SRC: variants seen among roughly 807,000 people sequenced by gnomAD.
The protein encoded by SRC is proto-oncogene tyrosine-protein kinase Src.
In SRC, 13 loss-of-function variants were observed where a neutral mutation model predicts 62.9. The observed-to-expected ratio is 0.21, with a 90% CI of 0.13 to 0.33. SRC has a LOEUF of 0.33. Ranked by LOEUF, SRC falls within the 10% of genes least tolerant of loss-of-function variation. The pLI is 1.00. For missense variants in SRC, 457 were observed against 737.3 expected (o/e 0.62, Z 4.40); for synonymous variants, 302 against 317.5 (o/e 0.95, Z 0.52).
rs561504994 is a variant in SRC at position 37,395,078 on chromosome 20, G to A, written c.553+801G>A. Among the ~76,000 whole-genome samples the A allele has an allele frequency of 3.1e-3, 465 of 152,330 alleles. 5 individuals are homozygous for A. Among genetic ancestry groups the A allele is most frequent in the African/African-American group, 0.011 (447 of 41,560 alleles). ...GTGCGTGTATGGACATGTGGCTGGG[G>A]TTGGCTTCAGCCTCAGGCCTGTGGC... On this transcript the variant is annotated intron_variant, in intron 7 of 13. Coordinates refer to ENST00000373578, the MANE Select transcript of SRC (RefSeq NM_198291.3).
intron 1 of SRC, among the ~76,000 whole-genome samples, chr20:37,362,669 A>G (rs958462951): frequency 2.7e-5 from 4 of 149,992 alleles, no homozygotes; most frequent in Non-Finnish European, 5.9e-5. Flanking sequence ...TGGCCTTGTG[A>G]GCTGCCCTAC....
chr20:37,382,029 C>T (rs1285560275), intron 2 of SRC, among the ~76,000 whole-genome samples: 3 of 152,144 alleles, frequency 2.0e-5, no homozygotes, highest in Non-Finnish European at 4.4e-5. Context: ...AGGCAGGGGG[C>T]GTCTCATAGC....
intron 5 of SRC, among the ~76,000 whole-genome samples, chr20:37,388,471 C>T (rs1027051705): frequency 1.1e-4 from 17 of 152,314 alleles, no homozygotes; most frequent in Admixed American, 2.6e-4. Flanking sequence ...GGTGGCTGAG[C>T]GCGGTGGCTC....
rs1361074271 is a variant in SRC, at chr20:37,373,428, T to TATATATAC, written c.-173+8151_-173+8152insATATATAC. 6.7e-4 allele frequency among the ~76,000 whole-genome samples: 101 copies of TATATATAC among 151,062 alleles called. 1 individual carries two copies. Among genetic ancestry groups the TATATATAC allele is most frequent in the African/African-American group, 2.5e-3 (100 of 40,570 alleles). The stretch of plus-strand genomic sequence containing the variant: ...ATACGCATATATACGCATATATGCG[T>TATATATAC]GTATATACGCATATATACGCATATA... On this transcript the variant is annotated intron_variant, in intron 2 of 13. Transcript: ENST00000373578.
intron 2 of SRC, among the ~76,000 whole-genome samples, chr20:37,371,587 A>C (rs1266840698): frequency 6.6e-6 from 1 of 151,558 alleles, no homozygotes; most frequent in Non-Finnish European, 1.5e-5. Flanking sequence ...TTTCTGCTCT[A>C]ATTTTTATTC....
intron 1 of SRC, among the ~76,000 whole-genome samples, chr20:37,354,151 T>A (rs1329000285): frequency 6.6e-6 from 1 of 152,148 alleles, no homozygotes; most frequent in East Asian, 1.9e-4. Flanking sequence ...GGTCACAATG[T>A]GATGTCACAG....
Position 37,396,069 on chromosome 20 carries a change from C to A in SRC, c.554-93C>A. The A allele has an allele frequency of 6.5e-7, 1 of 1,526,944 alleles. No homozygotes were observed. The highest frequency in any genetic ancestry group is 1.2e-5 in the South Asian group (1 of 80,750). 94.6% of individuals were successfully genotyped at this position (1,526,944 alleles called of 1,614,324 possible). On this transcript the variant is annotated intron_variant, in intron 7 of 13. Transcript: ENST00000373578. The surrounding 1 kb of genome is among the most constrained non-coding windows in gnomAD (Gnocchi z 6.1). ...GGGGCCCCGCCTGGGCCTCCCTTCCCTCCAATGTCAGGCAGGCACAGAACG... is the reference window on the plus strand; with the variant it reads ...GGGGCCCCGCCTGGGCCTCCCTTCCATCCAATGTCAGGCAGGCACAGAACG...
chr20:37,390,421 C>T (rs1356686513), intron 5 of SRC, among the ~76,000 whole-genome samples: 2 of 119,044 alleles, frequency 1.7e-5, no homozygotes, highest in African/African-American at 3.3e-5. Flanking sequence ...TTTTTGAGAC[C>T]GGATCTTGCT....
Position 37,396,137 on chromosome 20 carries a change from C to T in SRC, c.554-25C>T, listed in dbSNP as rs747622121. 1 of 1,606,422 alleles carries T rather than the reference C, an allele frequency of 6.2e-7. No homozygotes were observed. The highest frequency in any genetic ancestry group is 8.5e-7 in the Non-Finnish European group (1 of 1,178,078). ...CTGCGGGGGGAGAGGGCATGGCGGT[C>T]ACGGCTCCCCTCGGTGCCCCGCAGG... On this transcript the variant is annotated intron_variant, in intron 7 of 13. Transcript: ENST00000373578. This position sits in a 1 kb window ranked among gnomAD's most constrained non-coding sequence, Gnocchi z 6.1.
chr20:37,376,755 A>G (rs6094508), intron 2 of SRC, among the ~76,000 whole-genome samples: 113,232 of 152,162 alleles, frequency 0.74, 43,373 homozygotes, highest in African/African-American at 0.93. Context: ...CACCTGCCTC[A>G]GCCTCCCAAA....
In SRC at chr20:37,351,106, T is replaced by A. The variant is rs1352976728; in HGVS notation, c.-247+4851T>A. Among the ~76,000 whole-genome samples, 1 of 152,148 alleles carries A rather than the reference T, an allele frequency of 6.6e-6. No homozygotes were observed. Among genetic ancestry groups the A allele is most frequent in the African/African-American group, 2.4e-5 (1 of 41,422 alleles). On this transcript the variant is annotated intron_variant, in intron 1 of 13. Transcript: ENST00000373578. This position sits in a 1 kb window ranked among gnomAD's most constrained non-coding sequence, Gnocchi z 4.4. ...GTCAGGGATAGATGACCGGGGAGGA[T>A]CTCAGAGCTGGGAGCCAGACCTCCA... is the stretch of plus-strand genomic sequence containing the variant.
At chr20:37,361,622 C>A (rs1159053406) in intron 1 of SRC, among the ~76,000 whole-genome samples, 1 of 152,244 alleles carries the variant, frequency 6.6e-6, no homozygotes, top group East Asian at 1.9e-4. Context: ...CGGCTGGCGG[C>A]CATCTCCACA....
At position 37,396,185 on chromosome 20, in the gene SRC, G is replaced by T; in HGVS notation, c.577G>T (p.Asp193Tyr). 6.2e-7 allele frequency: 1 copy of T among 1,613,584 alleles called. No individual in the cohort carries two copies. Among genetic ancestry groups the T allele is most frequent in the Non-Finnish European group, 8.5e-7 (1 of 1,179,992 alleles). The change falls in exon 8 of 14, where the codon GAC becomes TAC. Residue 193 changes from aspartate (D) to tyrosine (Y), a missense_variant. Asp to Tyr is a radical substitution (Grantham distance 160). Coordinates refer to ENST00000373578, the MANE Select transcript of SRC (RefSeq NM_198291.3). The surrounding 1 kb of genome is among the most constrained non-coding windows in gnomAD (Gnocchi z 6.1). ...TKGAYCLSVS[D>Y]FDNAKGLNVK... ...AGGTGCCTACTGCCTCTCAGTGTCT[G>T]ACTTCGACAACGCCAAGGGCCTCAA... is the stretch of plus-strand genomic sequence containing the variant.
At position 37,377,489 on chromosome 20, in the gene SRC, G is replaced by T. The variant is rs547015776; in HGVS notation, c.-172-5130G>T. ...TCAGGAAGGAAGGGGCTGGTGTGTGGTGGCTGAACAGCAGTGTGACCTGAG... is the reference window on the plus strand; with the variant it reads ...TCAGGAAGGAAGGGGCTGGTGTGTGTTGGCTGAACAGCAGTGTGACCTGAG... On this transcript the variant is annotated intron_variant, in intron 2 of 13. Transcript: ENST00000373578. Among the ~76,000 whole-genome samples the T allele has an allele frequency of 3.3e-5, 5 of 152,344 alleles. No homozygotes were observed. The South Asian group carries it at 1.0e-3, about 32-fold the overall frequency.
chr20:37,359,470 C>A (rs981823992), intron 1 of SRC, among the ~76,000 whole-genome samples: 2 of 152,010 alleles, frequency 1.3e-5, no homozygotes, highest in Non-Finnish European at 2.9e-5. Context: ...GAGGATGGGT[C>A]GCAATTAGAT....
chr20:37,396,149 C>A lies in SRC; in HGVS notation c.554-13C>A. On this transcript the variant is annotated splice_polypyrimidine_tract_variant and intron_variant, in intron 7 of 13. Transcript: ENST00000373578. The surrounding 1 kb of genome is among the most constrained non-coding windows in gnomAD (Gnocchi z 6.1). The stretch of plus-strand genomic sequence containing the variant: ...AGGGCATGGCGGTCACGGCTCCCCT[C>A]GGTGCCCCGCAGGTGCCTACTGCCT... The A allele has an allele frequency of 6.2e-7, 1 of 1,609,812 alleles. No individual in the cohort carries two copies.
rs1418660563 is a variant in SRC at position 37,405,283 on chromosome 20, T to C, written c.*1904T>C. 5 of 131,026 alleles carry C rather than the reference T, an allele frequency of 3.8e-5. No individual in the cohort carries two copies. The highest frequency in any genetic ancestry group is 1.2e-4 in the African/African-American group (4 of 33,356). The allele number at this position is 131,026 out of a possible 1,614,324, so 8.1% of individuals were successfully genotyped here. The stretch of plus-strand genomic sequence containing the variant: ...GATTTCAGATGACTATGCAGAGGCC[T>C]GGGGGACCCCTGGCTCTGGGCCGGG... On this transcript the variant is annotated 3_prime_UTR_variant, in exon 14 of 14. Coordinates refer to ENST00000373578, the MANE Select transcript of SRC (RefSeq NM_198291.3).
At position 37,402,701 on chromosome 20, in the gene SRC, G is replaced by A. The variant is rs759142967; in HGVS notation, c.1271-48G>A. ...CCTCATGGTGCTTATCTAGCAGAGC[G>A]GTCATGACAGGAGGTCAGAGCTGCC... On this transcript the variant is annotated intron_variant, in intron 12 of 13. Coordinates refer to ENST00000373578, the MANE Select transcript of SRC (RefSeq NM_198291.3). This position sits in a 1 kb window ranked among gnomAD's most constrained non-coding sequence, Gnocchi z 6.2. 31 of 1,582,732 alleles carry A rather than the reference G, an allele frequency of 2.0e-5. No homozygotes were observed. The highest frequency in any genetic ancestry group is 2.2e-5 in the Non-Finnish European group (26 of 1,163,000).
At position 37,390,287 on chromosome 20, in the gene SRC, A is replaced by G. The variant is rs2070525418; in HGVS notation, c.351-3608A>G. Reference sequence around the variant, plus strand: ...GGACTGTGCTGCTTTGGTTTTTAAAAAGGGTCACTGTGGAAATACCAATTT... The same window carrying G: ...GGACTGTGCTGCTTTGGTTTTTAAAGAGGGTCACTGTGGAAATACCAATTT... On this transcript the variant is annotated intron_variant, in intron 5 of 13. Coordinates refer to ENST00000373578, the MANE Select transcript of SRC (RefSeq NM_198291.3). 3.3e-5 allele frequency among the ~76,000 whole-genome samples: 5 copies of G among 152,156 alleles called. 1 individual carries two copies. In the South Asian group the frequency reaches 1.0e-3, roughly 32 times the overall value.
Sources: gnomAD v4.1 joint callset for allele counts (sites outside exome capture counted in the v4.1 genomes callset) on GRCh38, gnomAD v4.1.1 for gene constraint, Gnocchi (gnomAD v3.1) non-coding constraint, MANE v1.5 for transcripts, NCBI Gene and HGNC (gene_info 2026-07-23, HGNC 2026-07-21) for gene names.